Variants in PXDNL observed in about 807,000 individuals in gnomAD.
PXDNL encodes probable oxidoreductase PXDNL.
In PXDNL, 145 loss-of-function variants were observed where a neutral mutation model predicts 150.8. The observed-to-expected ratio is 0.96, with a 90% CI of 0.84 to 1.10. The LOEUF (loss-of-function observed/expected upper bound fraction) is 1.10. Among genes scored for constraint, PXDNL ranks in the 50% least tolerant of loss-of-function variants. PXDNL has a pLI of 0.00. For missense variants in PXDNL, 2,087 were observed against 1,873.9 expected, an observed-to-expected ratio of 1.11 and a Z score of -2.10; for synonymous variants, 757 against 725.7, an observed-to-expected ratio of 1.04 and a Z score of -0.69.
chr8:51,475,944 T>A (rs953277753), intron 6 of PXDNL, among the ~76,000 whole-genome samples: 1 of 152,104 alleles, frequency 6.6e-6, no homozygotes, highest in Non-Finnish European at 1.5e-5. Context: ...CTACAATTTT[T>A]TAGTTAGCCA....
rs1806038286 is a variant in PXDNL at position 51,343,099 on chromosome 8, CA to C, written c.4016+2733del. ...ATGTTGCTATATTTTGGATTCTTACCAAAAACATAAAACTCAACATATTGCT... is the reference window on the plus strand; with the variant it reads ...ATGTTGCTATATTTTGGATTCTTACCAAAACATAAAACTCAACATATTGCT... On this transcript the variant is annotated intron_variant, in intron 20 of 22. Coordinates refer to ENST00000356297, the MANE Select transcript of PXDNL (RefSeq NM_144651.5). Among the ~76,000 whole-genome samples the C allele has an allele frequency of 4.0e-5, 6 of 151,848 alleles. No individual in the cohort carries two copies. The South Asian group carries it at 6.3e-4, about 16-fold the overall frequency.
chr8:51,434,848 T>C (rs1308288510), intron 12 of PXDNL, among the ~76,000 whole-genome samples: 1 of 152,208 alleles, frequency 6.6e-6, no homozygotes, highest in African/African-American at 2.4e-5. Flanking sequence ...TTTAGCATTC[T>C]ATAGATTGCC....
chr8:51,398,228 C>A (rs1255818185), intron 17 of PXDNL, among the ~76,000 whole-genome samples: 2 of 152,228 alleles, frequency 1.3e-5, no homozygotes, highest in African/African-American at 2.4e-5. Context: ...GCCCACACTG[C>A]ACAGGGCACT....
At chr8:51,647,039 T>G (rs1814935821) in intron 2 of PXDNL, among the ~76,000 whole-genome samples, 1 of 152,194 alleles carries the variant, frequency 6.6e-6, no homozygotes, top group Non-Finnish European at 1.5e-5. Flanking sequence ...GAGAAATGTA[T>G]GCTCTTGGGT....
chr8:51,359,023 A>G (rs1383145570), intron 19 of PXDNL, among the ~76,000 whole-genome samples: 4 of 152,162 alleles, frequency 2.6e-5, no homozygotes, highest in Non-Finnish European at 5.9e-5. Context: ...GAAAGCCAAG[A>G]ATGAACTGAA....
chr8:51,461,764 C>CA (rs1310181038), intron 8 of PXDNL, among the ~76,000 whole-genome samples: 3 of 152,158 alleles, frequency 2.0e-5, no homozygotes, highest in Non-Finnish European at 4.4e-5. Flanking sequence ...GTAGGTGTGT[C>CA]AACAGTGATT....
chr8:51,516,695 G>A (rs1182986802), intron 4 of PXDNL, among the ~76,000 whole-genome samples: 1 of 152,184 alleles, frequency 6.6e-6, no homozygotes, highest in African/African-American at 2.4e-5. Flanking sequence ...AAGTCACACA[G>A]TCCTTTCTGT....
chr8:51,376,726 T>C (rs983516806), intron 17 of PXDNL, among the ~76,000 whole-genome samples: 6 of 134,854 alleles, frequency 4.4e-5, no homozygotes, highest in Admixed American at 3.6e-4. Flanking sequence ...TCTCTCTCTC[T>C]TTTTTTTTTT....
chr8:51,444,503 T>C (rs1809626510), intron 12 of PXDNL, among the ~76,000 whole-genome samples: 1 of 152,158 alleles, frequency 6.6e-6, no homozygotes, highest in Non-Finnish European at 1.5e-5. Flanking sequence ...TAAAATAGTA[T>C]CTGATTCTTC....
intron 13 of PXDNL, 93 bp from the exon 14 acceptor site, chr8:51,423,824 G>C: frequency 8.6e-7 from 1 of 1,163,730 alleles, no homozygotes; most frequent in Non-Finnish European, 1.2e-6. Flanking sequence ...TTATTCAACA[G>C]ATATCTATTG....
chr8:51,770,571 T>A (rs755757895), intron 1 of PXDNL, among the ~76,000 whole-genome samples: 1 of 152,220 alleles, frequency 6.6e-6, no homozygotes, highest in Non-Finnish European at 1.5e-5. Flanking sequence ...ATCCTTTCCA[T>A]GTCTCCTGCT....
intron 1 of PXDNL, among the ~76,000 whole-genome samples, chr8:51,779,232 C>T (rs576403135): frequency 6.6e-6 from 1 of 152,294 alleles, no homozygotes; most frequent in Admixed American, 6.5e-5. Flanking sequence ...GCCCTCCTCC[C>T]CTATGCACCT....
intron 17 of PXDNL, among the ~76,000 whole-genome samples, chr8:51,399,297 T>C (rs1808177452): frequency 6.6e-6 from 1 of 152,202 alleles, no homozygotes; most frequent in South Asian, 2.1e-4. Flanking sequence ...TTCATCGCAG[T>C]TATTCAGAAG....
chr8:51,640,925 G>A (rs1411418435), intron 2 of PXDNL, among the ~76,000 whole-genome samples: 10 of 152,052 alleles, frequency 6.6e-5, no homozygotes, highest in African/African-American at 1.9e-4. Flanking sequence ...GAACAAAGCT[G>A]GAGGCATCAC....
intron 4 of PXDNL, among the ~76,000 whole-genome samples, chr8:51,531,700 T>G (rs7838873): frequency 0.08 from 12,098 of 152,164 alleles, 775 homozygotes; most frequent in East Asian, 0.23. Flanking sequence ...AGAAGGAGCT[T>G]AAGTCAAGTG....
chr8:51,370,793 CGCCATGTTG>C (rs1210204822), intron 19 of PXDNL, among the ~76,000 whole-genome samples: 1 of 152,212 alleles, frequency 6.6e-6, no homozygotes, highest in Middle Eastern at 3.2e-3. Context: ...GATGGGGTTT[CGCCATGTTG>C]GCCAGGCTGG....
At chr8:51,528,801 A>G (rs780610766) in intron 4 of PXDNL, among the ~76,000 whole-genome samples, 2 of 152,178 alleles carry the variant, frequency 1.3e-5, no homozygotes, top group African/African-American at 2.4e-5. Context: ...ACCTCTAGAA[A>G]TTGGGTTTTT....
At chr8:51,478,046 C>T (rs1469197170) in intron 6 of PXDNL, among the ~76,000 whole-genome samples, 2 of 151,888 alleles carry the variant, frequency 1.3e-5, no homozygotes, top group African/African-American at 4.8e-5. Flanking sequence ...TAAAAGTATA[C>T]TTTTATATGA....
At chr8:51,799,084 G>A (rs926616933) in intron 1 of PXDNL, among the ~76,000 whole-genome samples, 2 of 152,194 alleles carry the variant, frequency 1.3e-5, no homozygotes, top group African/African-American at 4.8e-5. Context: ...AATTTCCTTT[G>A]CAGGGACATG....
Sources: allele counts gnomAD v4.1 joint callset (sites outside exome capture counted in the v4.1 genomes callset), GRCh38; gene constraint gnomAD v4.1.1; transcripts MANE v1.5; gene names NCBI Gene and HGNC (gene_info 2026-07-23, HGNC 2026-07-21).